The following PLB1 variants were observed in gnomAD, a reference collection of about 807,000 sequenced individuals.
PLB1 encodes the protein phospholipase B1.
Under a neutral mutation model 227.4 loss-of-function variants are expected in PLB1, and 242 were observed. The ratio of observed to expected loss-of-function variants is 1.06; its 90% confidence interval spans 0.96 to 1.18. The LOEUF is 1.18. PLB1 is among the 50% of genes most tolerant of loss of function. The pLI, the probability that PLB1 is intolerant of heterozygous loss-of-function variation, is 0.00. For synonymous variants in PLB1, 757 were observed against 682.2 expected (o/e 1.11, Z -1.71); for missense variants, 1,858 against 1,816.3 (o/e 1.02, Z -0.42).
intron 5 of PLB1, 44 bp downstream of exon 5, chr2:28,525,351 T>C (rs763811685): frequency 1.3e-6 from 2 of 1,582,266 alleles, no homozygotes; most frequent in Middle Eastern, 1.8e-4. Context: ...AGCCCGGAGA[T>C]GCTCCCATCT....
Position 28,553,954 on chromosome 2 carries a change from G to T in PLB1, c.1147+963G>T, listed in dbSNP as rs138100795. On this transcript the variant is annotated intron_variant, in intron 17 of 57. Coordinates refer to ENST00000327757, the MANE Select transcript of PLB1 (RefSeq NM_153021.5). ...CATCAGGAGAGCAAATAAATGCTTG[G>T]CTGCCCTTCACACATGCCGTAGCTC... Among the ~76,000 whole-genome samples, 28 of 152,224 alleles carry T rather than the reference G, an allele frequency of 1.8e-4. No homozygotes were observed. In the East Asian group the frequency reaches 4.6e-3, roughly 25 times the overall value.
intron 17 of PLB1, among the ~76,000 whole-genome samples, chr2:28,555,569 ACT>A (rs898671878): frequency 2.5e-4 from 38 of 152,182 alleles, no homozygotes; most frequent in Middle Eastern, 3.4e-3. Context: ...GAGGTCATAC[ACT>A]CTTCTGGAGA....
Position 28,548,858 on chromosome 2 carries a change from A to G in PLB1, c.937-2A>G. ...TGTTCTAAAGCCCACGTTCCTTTCT[A>G]GATGGAGCCAGCAGGAGAGAAAGAT... On this transcript the variant is annotated splice_acceptor_variant, in intron 14 of 57. Coordinates refer to ENST00000327757, the MANE Select transcript of PLB1 (RefSeq NM_153021.5). LOFTEE classifies it high-confidence loss of function. The G allele has an allele frequency of 6.2e-7, 1 of 1,614,066 alleles. No homozygotes were observed. The highest frequency in any genetic ancestry group is 8.5e-7 in the Non-Finnish European group (1 of 1,179,974).
At chr2:28,606,446 C>T in intron 42 of PLB1, 50 bp from the exon 43 acceptor site, 1 of 1,558,870 alleles carries the variant, frequency 6.4e-7, no homozygotes, top group Non-Finnish European at 8.8e-7. Context: ...ATGTTCACTT[C>T]CATGGAAACA....
intron 21 of PLB1, among the ~76,000 whole-genome samples, chr2:28,575,537 G>A (rs1487967424): frequency 6.6e-6 from 1 of 152,144 alleles, no homozygotes; most frequent in African/African-American, 2.4e-5. Flanking sequence ...AGGTGAAAGA[G>A]TATCCAAAGT....
chr2:28,587,511 G>A (rs1681103057), intron 26 of PLB1, among the ~76,000 whole-genome samples: 1 of 152,130 alleles, frequency 6.6e-6, no homozygotes, highest in African/African-American at 2.4e-5. Context: ...TCGGGAGGCT[G>A]AGGTGGGAGG....
At chr2:28,611,745 G>A (rs1396436668) in intron 43 of PLB1, among the ~76,000 whole-genome samples, 2 of 152,124 alleles carry the variant, frequency 1.3e-5, no homozygotes, top group African/African-American at 4.8e-5. Flanking sequence ...ACAAGCCCAA[G>A]TAGCTACATG....
intron 15 of PLB1, among the ~76,000 whole-genome samples, 177 bp downstream of exon 15, chr2:28,549,108 T>C (rs572428536): frequency 7.3e-4 from 111 of 152,310 alleles, no homozygotes; most frequent in Non-Finnish European, 1.5e-3. Context: ...TTGTGGGCCA[T>C]GAGAGCTGTT....
chr2:28,547,202 C>CAGA (rs1673408190), intron 14 of PLB1, among the ~76,000 whole-genome samples: 1 of 99,912 alleles, frequency 1.0e-5, no homozygotes, highest in South Asian at 3.9e-4. Context: ...ACCCTGTCTC[C>CAGA]AAAAAAAAAA....
chr2:28,621,781 C>A (rs972672646), intron 49 of PLB1, among the ~76,000 whole-genome samples: 2 of 152,122 alleles, frequency 1.3e-5, no homozygotes, highest in African/African-American at 4.8e-5. Flanking sequence ...CTCAACGTCA[C>A]GAGCAGGAAG....
At chr2:28,556,881 T>C (rs552661844) in intron 17 of PLB1, among the ~76,000 whole-genome samples, 3 of 152,352 alleles carry the variant, frequency 2.0e-5, no homozygotes, top group Middle Eastern at 3.4e-3. Flanking sequence ...GTCCCTGATG[T>C]CATTGATTTG....
At position 28,496,080 on chromosome 2, in the gene PLB1, C is replaced by A. The variant is rs780777916; in HGVS notation, c.-35C>A. On this transcript the variant is annotated 5_prime_UTR_variant, in exon 1 of 58. Coordinates refer to ENST00000327757, the MANE Select transcript of PLB1 (RefSeq NM_153021.5). ...AGCCCATCCATCTGCTGGAGCAGCT[C>A]TTCCAGAGGCCCGAGTCACCTGGAG... 14 of 1,607,942 alleles carry A rather than the reference C, an allele frequency of 8.7e-6. No homozygotes were observed. The highest frequency in any genetic ancestry group is 6.0e-6 in the Non-Finnish European group (7 of 1,174,620).
intron 1 of PLB1, among the ~76,000 whole-genome samples, chr2:28,501,502 C>A (rs548603006): frequency 6.6e-6 from 1 of 151,958 alleles, no homozygotes; most frequent in African/African-American, 2.4e-5. Flanking sequence ...TGTGTTTCTT[C>A]TGTTCTTGCT....
intron 35 of PLB1, 124 bp from the exon 36 acceptor site, chr2:28,600,685 C>T: frequency 2.4e-6 from 2 of 844,644 alleles, no homozygotes; most frequent in Non-Finnish European, 3.8e-6. Flanking sequence ...GTTTCTGAGC[C>T]TCGGGATCTC....
chr2:28,633,292 C>T (rs964529255), intron 56 of PLB1: 3 of 472,802 alleles, frequency 6.3e-6, no homozygotes, highest in Non-Finnish European at 1.1e-5. Context: ...TGCCCAGGTA[C>T]TGCGAGGGGA....
At chr2:28,585,451 A>G in intron 25 of PLB1, 1 of 278,650 alleles carries the variant, frequency 3.6e-6, no homozygotes, top group Non-Finnish European at 7.1e-6. Flanking sequence ...AATAGTTTGT[A>G]TTTTTAGTAG....
At chr2:28,626,155 C>T (rs1297368991) in intron 50 of PLB1, among the ~76,000 whole-genome samples, 2 of 152,030 alleles carry the variant, frequency 1.3e-5, no homozygotes, top group African/African-American at 4.8e-5. Context: ...GCCACCAGGC[C>T]AGGCTAATTT....
At chr2:28,605,776 G>C (rs1684584899) in intron 41 of PLB1, 77 bp from the exon 42 acceptor site, 1 of 1,207,050 alleles carries the variant, frequency 8.3e-7, no homozygotes. Flanking sequence ...TGAGTGGTCA[G>C]TCCCAGGGCC....
chr2:28,529,481 G>T, intron 7 of PLB1, 74 bp downstream of exon 7: 6 of 1,303,252 alleles, frequency 4.6e-6, no homozygotes, highest in South Asian at 3.6e-5. Context: ...GGAGGATTTG[G>T]GGGGCTGGCA....
Sources: gnomAD v4.1 joint callset for allele counts (sites outside exome capture counted in the v4.1 genomes callset) on GRCh38, gnomAD v4.1.1 for gene constraint, MANE v1.5 for transcripts, NCBI Gene and HGNC (gene_info 2026-07-23, HGNC 2026-07-21) for gene names.